The following NWD1 variants were observed in gnomAD, a reference collection of about 807,000 sequenced individuals.
NWD1 encodes the protein NACHT domain- and WD repeat-containing protein 1.
NWD1 carries 129 observed loss-of-function variants against 135.1 expected under a neutral mutation model. The ratio of observed to expected loss-of-function variants is 0.96; its 90% CI spans 0.83 to 1.11. NWD1 has a LOEUF of 1.11. Ranked by LOEUF, NWD1 falls within the 50% of genes least tolerant of loss-of-function variation. The probability of loss-of-function intolerance (pLI) is 0.00; values close to 1 mark genes in which losing one functional copy is unlikely to be tolerated. For missense variants in NWD1, 1,740 were observed against 1,851.3 expected (o/e 0.94, Z 1.10); for synonymous variants, 773 against 786.0 (o/e 0.98, Z 0.28).
chr19:16,770,259 T>C (rs1220568179), intron 10 of NWD1, among the ~76,000 whole-genome samples: 1 of 152,170 alleles, frequency 6.6e-6, no homozygotes, highest in African/African-American at 2.4e-5. Context: ...TCCATGCTGT[T>C]CTCCTGATAC....
At chr19:16,729,698 G>A (rs534732841) in intron 2 of NWD1, among the ~76,000 whole-genome samples, 2 of 151,502 alleles carry the variant, frequency 1.3e-5, no homozygotes, top group South Asian at 2.1e-4. Context: ...GTGAAACCCC[G>A]TCTCTACTAA....
In NWD1 at chr19:16,749,127, C is replaced by A; in HGVS notation, c.497-12C>A. On this transcript the variant is annotated splice_polypyrimidine_tract_variant and intron_variant, in intron 5 of 18. Coordinates refer to ENST00000524140, the MANE Select transcript of NWD1 (RefSeq NM_001007525.5). ...TGACCACACTTCCTTCCCACCTTCCCCACTTTGGCAGTCATTGAGTGGGAG... is the reference window on the plus strand; with the variant it reads ...TGACCACACTTCCTTCCCACCTTCCACACTTTGGCAGTCATTGAGTGGGAG... 6.3e-7 allele frequency: 1 copy of A among 1,575,032 alleles called. No homozygotes were observed. The highest frequency in any genetic ancestry group is 1.2e-5 in the South Asian group (1 of 86,008).
Position 16,749,849 on chromosome 19 carries a change from C to G in NWD1, c.1207C>G (p.Pro403Ala). 1 of 1,612,634 alleles carries G rather than the reference C, an allele frequency of 6.2e-7. No homozygotes were observed. The change falls in exon 6 of 19, where the codon CCT becomes GCT. Residue 403 changes from proline (P) to alanine (A), a missense_variant. Physicochemically the swap from Pro to Ala is conservative, Grantham distance 27. Coordinates refer to ENST00000524140, the MANE Select transcript of NWD1 (RefSeq NM_001007525.5). ...VCLAYGLPLPPAQVLDAHTRV... is the reference protein window; with the variant it reads ...VCLAYGLPLPAAQVLDAHTRV... ...CCTGGCCTATGGGCTGCCCTTGCCC[C>G]CTGCCCAGGTTCTGGACGCCCACAC...
chr19:16,775,457 G>A (rs1969566244), intron 11 of NWD1, among the ~76,000 whole-genome samples: 1 of 152,058 alleles, frequency 6.6e-6, no homozygotes, highest in South Asian at 2.1e-4. Flanking sequence ...TCAGTGTAGG[G>A]CTGTCCTCGT....
At chr19:16,732,433 C>T (rs7247204) in intron 3 of NWD1, among the ~76,000 whole-genome samples, 90,192 of 150,412 alleles carry the variant, frequency 0.6, 28,108 homozygotes, top group African/African-American at 0.73. Context: ...TGGCCCTCTT[C>T]GTACTGGGCT....
At chr19:16,772,379 G>A (rs1969445746) in intron 10 of NWD1, among the ~76,000 whole-genome samples, 2 of 151,936 alleles carry the variant, frequency 1.3e-5, no homozygotes, top group African/African-American at 4.8e-5. Context: ...AAAATAAATA[G>A]CCAGGCGCGG....
intron 7 of NWD1, among the ~76,000 whole-genome samples, chr19:16,761,618 C>T (rs1159619319): frequency 6.6e-6 from 1 of 152,114 alleles, no homozygotes; most frequent in Non-Finnish European, 1.5e-5. Context: ...CCGCCTCAGC[C>T]TCCCAAAGTG....
chr19:16,805,386 G>A (rs189301751), intron 17 of NWD1, among the ~76,000 whole-genome samples: 1 of 151,422 alleles, frequency 6.6e-6, no homozygotes, highest in African/African-American at 2.4e-5. Flanking sequence ...TAGAGATAAG[G>A]TCTCTCTATC....
At chr19:16,778,494 C>CTTCTTTTT (rs200410922) in intron 11 of NWD1, among the ~76,000 whole-genome samples, 37 of 107,568 alleles carry the variant, frequency 3.4e-4, no homozygotes, top group African/African-American at 1.4e-3. Context: ...TCTTCTTCTT[C>CTTCTTTTT]TTTTTTTTTT....
chr19:16,807,782 G>A lies in NWD1; in HGVS notation c.3933G>A (p.Glu1311=), dbSNP rs146553378. Residue 1311 remains glutamate, a synonymous_variant, in exon 18 of 19, where the codon GAG becomes GAA. Coordinates refer to ENST00000524140, the MANE Select transcript of NWD1 (RefSeq NM_001007525.5). Reference sequence around the variant, plus strand: ...ACTGCATGTCCCTGAGCAAGTGCGAGGACCGCCTGGCCATCGCCTATGACA... The same window carrying A: ...ACTGCATGTCCCTGAGCAAGTGCGAAGACCGCCTGGCCATCGCCTATGACA... ...AINCMSLSKC[E]DRLAIAYDNI... is the part of the protein sequence containing the mutation. 3 of 1,613,854 alleles carry A rather than the reference G, an allele frequency of 1.9e-6. No individual in the cohort carries two copies. Among genetic ancestry groups the A allele is most frequent in the Non-Finnish European group, 2.5e-6 (3 of 1,179,774 alleles).
chr19:16,804,594 G>GTTTTT (rs561345788), intron 17 of NWD1, among the ~76,000 whole-genome samples: 7,509 of 146,114 alleles, frequency 0.051, 323 homozygotes, highest in African/African-American at 0.12. Context: ...CTGTCTCTCT[G>GTTTTT]TTTTTTTTTT....
At position 16,797,721 on chromosome 19, in the gene NWD1, T is replaced by G; in HGVS notation, c.3305-11T>G. 1 of 1,612,526 alleles carries G rather than the reference T, an allele frequency of 6.2e-7. No homozygotes were observed. The highest frequency in any genetic ancestry group is 8.5e-7 in the Non-Finnish European group (1 of 1,179,046). On this transcript the variant is annotated splice_polypyrimidine_tract_variant and intron_variant, in intron 15 of 18. Coordinates refer to ENST00000524140, the MANE Select transcript of NWD1 (RefSeq NM_001007525.5). ...ACATGAGAGGTGTAACCCCAGTTCC[T>G]GCCGTTTCAGGCTTTGGAAGATCGG...
intron 14 of NWD1, 71 bp downstream of exon 14, chr19:16,791,693 G>A (rs185246800): frequency 9.7e-6 from 14 of 1,446,880 alleles, no homozygotes; most frequent in Admixed American, 1.9e-5. Flanking sequence ...CTAGAAGTTG[G>A]GAAAAATAAT....
rs1253999551 is a variant in NWD1, at chr19:16,765,193, G to A, written c.2410+1G>A. On this transcript the variant is annotated splice_donor_variant, in intron 10 of 18. Transcript: ENST00000524140. LOFTEE classifies it high-confidence loss of function. Reference sequence around the variant, plus strand: ...CCTGCTGTGGAGCTCCGAGGCATGGGTGAGTCCAGATGGCCTGGATAGGAG... The same window carrying A: ...CCTGCTGTGGAGCTCCGAGGCATGGATGAGTCCAGATGGCCTGGATAGGAG... The A allele has an allele frequency of 1.9e-6, 3 of 1,613,940 alleles. No homozygotes were observed. Among genetic ancestry groups the A allele is most frequent in the Admixed American group, 3.3e-5 (2 of 60,000 alleles).
At chr19:16,741,858 C>A (rs1375820874) in intron 4 of NWD1, among the ~76,000 whole-genome samples, 1 of 152,146 alleles carries the variant, frequency 6.6e-6, no homozygotes, top group African/African-American at 2.4e-5. Flanking sequence ...TGCCTGTAAT[C>A]CCAGAACGTT....
In NWD1 at chr19:16,744,583, C is replaced by T. The variant is rs748882362; in HGVS notation, c.361C>T (p.Leu121=). ...GAATGCGTTTCCTCCCACCTACGTC[C>T]TGCAGGCACCAGGTACTGGGGAGGC... ...DENAFPPTYV[L]QAPGTGEACE... Residue 121 remains leucine, a synonymous_variant, in exon 5 of 19, where the codon CTG becomes TTG. Transcript: ENST00000524140. The T allele has an allele frequency of 6.5e-7, 1 of 1,535,088 alleles. No homozygotes were observed.
At chr19:16,794,709 C>T (rs973735562) in intron 15 of NWD1, among the ~76,000 whole-genome samples, 156 bp downstream of exon 15, 9 of 152,290 alleles carry the variant, frequency 5.9e-5, no homozygotes, top group Non-Finnish European at 7.3e-5. Flanking sequence ...GCAGTCCAGA[C>T]GAGACAACCT....
chr19:16,725,487 CA>C (rs1419543991), intron 2 of NWD1, among the ~76,000 whole-genome samples: 1 of 151,964 alleles, frequency 6.6e-6, no homozygotes, highest in Non-Finnish European at 1.5e-5. Flanking sequence ...CACCTAACAA[CA>C]AACCTCCTGC....
At chr19:16,728,415 G>A (rs1426935045) in intron 2 of NWD1, among the ~76,000 whole-genome samples, 2 of 151,294 alleles carry the variant, frequency 1.3e-5, no homozygotes, top group African/African-American at 4.9e-5. Context: ...CTCCTGAGCA[G>A]CTGAGATTAC....
Sources: gnomAD v4.1 joint callset for allele counts (sites outside exome capture counted in the v4.1 genomes callset) on GRCh38, gnomAD v4.1.1 for gene constraint, MANE v1.5 for transcripts, NCBI Gene and HGNC (gene_info 2026-07-23, HGNC 2026-07-21) for gene names.